CSMD3: variants seen among roughly 807,000 people sequenced by gnomAD.
CSMD3 encodes the protein CUB and Sushi multiple domains 3, also known as CUB and sushi domain-containing protein 3.
A neutral mutation model predicts 435.2 loss-of-function variants in CSMD3; 177 were observed. The observed-to-expected ratio is 0.41, with a 90% CI of 0.36 to 0.46. The LOEUF (loss-of-function observed/expected upper bound fraction) is 0.46. Ranked by LOEUF, CSMD3 falls within the 20% of genes least tolerant of loss-of-function variation. The pLI is 0.34. For missense variants in CSMD3, 4,265 were observed against 4,504.6 expected (o/e 0.95, Z 1.52); for synonymous variants, 1,656 against 1,520.5 (o/e 1.09, Z -2.07).
At position 113,192,358 on chromosome 8, in the gene CSMD3, G is replaced by C. The variant is rs145122479; in HGVS notation, c.515-18442C>G. 3.8e-3 allele frequency among the ~76,000 whole-genome samples: 568 copies of C among 151,218 alleles called. 1 individual carries two copies. The highest frequency in any genetic ancestry group is 0.01 in the African/African-American group (429 of 41,348). ...AATGAAGGCATTATTTTCCTAAATT[G>C]TTCTAGATGCTTGCTGGGTCTAGCA... On this transcript the variant is annotated intron_variant, in intron 3 of 70. Transcript: ENST00000297405.
chr8:112,306,250 G>A (rs1821411953), intron 50 of CSMD3, 58 bp from the exon 51 acceptor site: 2 of 1,307,864 alleles, frequency 1.5e-6, no homozygotes, highest in Non-Finnish European at 2.2e-6. Flanking sequence ...TAATTTATTA[G>A]GTAACTCTGC....
In CSMD3 at chr8:112,857,384, G is replaced by T. The variant is rs1038286624; in HGVS notation, c.1755+1761C>A. Reference sequence around the variant, plus strand: ...AATGTGACAACCTCTGAAACTTCAGGTAATTCTGTAATAATAATGATTTAA... The same window carrying T: ...AATGTGACAACCTCTGAAACTTCAGTTAATTCTGTAATAATAATGATTTAA... On this transcript the variant is annotated intron_variant, in intron 11 of 70. Transcript: ENST00000297405. 2.0e-5 allele frequency among the ~76,000 whole-genome samples: 3 copies of T among 151,660 alleles called. No homozygotes were observed. In the East Asian group the frequency reaches 5.8e-4, roughly 29 times the overall value.
Position 113,207,173 on chromosome 8 carries a change from T to C in CSMD3, c.515-33257A>G, listed in dbSNP as rs542999496. Among the ~76,000 whole-genome samples, 3 of 152,276 alleles carry C rather than the reference T, an allele frequency of 2.0e-5. No individual in the cohort carries two copies. The South Asian group carries it at 6.2e-4, about 32-fold the overall frequency. ...AAAGAATTCTTCTTATCTTTCTTCA[T>C]TGAAAACTTTCATCTGGATGTAAGA... is the stretch of plus-strand genomic sequence containing the variant. On this transcript the variant is annotated intron_variant, in intron 3 of 70. Transcript: ENST00000297405.
intron 59 of CSMD3, among the ~76,000 whole-genome samples, chr8:112,273,356 G>T (rs1190287056): frequency 6.6e-6 from 1 of 151,950 alleles, no homozygotes; most frequent in Non-Finnish European, 1.5e-5. Context: ...TCTCTTCAAT[G>T]ACTATTATTG....
At chr8:112,360,410 CAAAAT>C (rs1827074860) in intron 38 of CSMD3, among the ~76,000 whole-genome samples, 1 of 151,774 alleles carries the variant, frequency 6.6e-6, no homozygotes, top group African/African-American at 2.4e-5. Context: ...TATACATAAA[CAAAAT>C]AAAATGTTTG....
At chr8:113,358,575 T>C (rs972034380) in intron 1 of CSMD3, among the ~76,000 whole-genome samples, 1 of 152,114 alleles carries the variant, frequency 6.6e-6, no homozygotes. Flanking sequence ...CTGGTCTCGA[T>C]AAAAATAGAA....
intron 2 of CSMD3, among the ~76,000 whole-genome samples, chr8:113,303,892 A>G (rs532555045): frequency 1.5e-5 from 2 of 137,858 alleles, no homozygotes; most frequent in South Asian, 4.9e-4. Flanking sequence ...CAATGGCAAC[A>G]AAAGACAAAA....
intron 1 of CSMD3, among the ~76,000 whole-genome samples, chr8:113,395,603 C>A (rs1419965920): frequency 9.7e-6 from 1 of 103,500 alleles, no homozygotes; most frequent in Non-Finnish European, 1.9e-5. Context: ...AGTGAGACTC[C>A]GTCTCAAAAA....
chr8:113,212,675 G>A (rs979428733), intron 3 of CSMD3, among the ~76,000 whole-genome samples: 7 of 151,904 alleles, frequency 4.6e-5, no homozygotes, highest in Non-Finnish European at 2.9e-5. Flanking sequence ...ACTCATAGGT[G>A]GGAATTGAAC....
At chr8:113,251,721 A>C (rs924091442) in intron 3 of CSMD3, among the ~76,000 whole-genome samples, 18 of 152,060 alleles carry the variant, frequency 1.2e-4, no homozygotes, top group African/African-American at 4.3e-4. Flanking sequence ...CTAATGTTAC[A>C]TGTAAGTTTT....
chr8:112,325,415 A>T (rs1823409267), intron 45 of CSMD3, among the ~76,000 whole-genome samples: 1 of 152,160 alleles, frequency 6.6e-6, no homozygotes, highest in Non-Finnish European at 1.5e-5. Flanking sequence ...GATCCTTTGC[A>T]GTTAACTTTG....
chr8:112,896,922 T>A (rs1405435806), intron 10 of CSMD3, among the ~76,000 whole-genome samples: 1 of 151,388 alleles, frequency 6.6e-6, no homozygotes, highest in African/African-American at 2.4e-5. Flanking sequence ...CTCTACAGGC[T>A]ATTCCAAAGA....
chr8:112,656,841 T>A (rs954738985), intron 17 of CSMD3, among the ~76,000 whole-genome samples: 1 of 152,086 alleles, frequency 6.6e-6, no homozygotes, highest in Admixed American at 6.6e-5. Flanking sequence ...TTTCTGCCTT[T>A]AAACATGTGA....
intron 1 of CSMD3, among the ~76,000 whole-genome samples, chr8:113,424,541 G>C (rs943298964): frequency 1.3e-5 from 2 of 150,996 alleles, no homozygotes; most frequent in Admixed American, 1.3e-4. Flanking sequence ...AATTTAAATT[G>C]AAAGTATTAA....
intron 32 of CSMD3, among the ~76,000 whole-genome samples, chr8:112,436,621 T>A (rs1286784392): frequency 6.8e-6 from 1 of 147,812 alleles, no homozygotes; most frequent in African/African-American, 2.4e-5. Context: ...TGTATACATA[T>A]TTGTGTATAC....
At chr8:112,863,750 A>G (rs998546154) in intron 10 of CSMD3, among the ~76,000 whole-genome samples, 1 of 152,152 alleles carries the variant, frequency 6.6e-6, no homozygotes, top group Non-Finnish European at 1.5e-5. Flanking sequence ...TTAGTAACAC[A>G]AAGGAAATAA....
chr8:112,893,485 C>T (rs1347160189), intron 10 of CSMD3, among the ~76,000 whole-genome samples: 1 of 151,404 alleles, frequency 6.6e-6, no homozygotes, highest in Non-Finnish European at 1.5e-5. Context: ...ACTCATTGTT[C>T]TAAAGTACAG....
At chr8:112,605,488 G>T (rs1832717735) in intron 22 of CSMD3, among the ~76,000 whole-genome samples, 1 of 152,046 alleles carries the variant, frequency 6.6e-6, no homozygotes, top group Admixed American at 6.6e-5. Context: ...AACATGGAAA[G>T]ACCTGGAGAC....
chr8:113,351,684 A>T (rs2132915656), intron 1 of CSMD3, among the ~76,000 whole-genome samples: 1 of 152,302 alleles, frequency 6.6e-6, no homozygotes, highest in Admixed American at 6.5e-5. Context: ...GCATTCGCTA[A>T]GTGCTTTGCA....
Sources: gnomAD v4.1 joint callset for allele counts (sites outside exome capture counted in the v4.1 genomes callset) on GRCh38, gnomAD v4.1.1 for gene constraint, MANE v1.5 for transcripts, NCBI Gene and HGNC (gene_info 2026-07-23, HGNC 2026-07-21) for gene names.